The following GNA12 variants were observed in gnomAD, a reference collection of about 807,000 sequenced individuals.
The protein encoded by GNA12 is guanine nucleotide-binding protein subunit alpha-12.
A neutral mutation model predicts 26.0 loss-of-function variants in GNA12; 9 were observed. The observed-to-expected ratio is 0.35, with a 90% CI of 0.21 to 0.60. The LOEUF (loss-of-function observed/expected upper bound fraction) is 0.60, where lower values mean the gene tolerates loss of function less well. GNA12 is among the 20% of genes least tolerant of loss of function. The pLI is 0.78. For missense variants in GNA12, 405 were observed against 525.8 expected, an observed-to-expected ratio of 0.77 and a Z score of 2.25; for synonymous variants, 264 against 219.6, an observed-to-expected ratio of 1.20 and a Z score of -1.79.
intron 2 of GNA12, among the ~76,000 whole-genome samples, chr7:2,767,313 A>T (rs1791832389): frequency 6.6e-6 from 1 of 152,182 alleles, no homozygotes; most frequent in Non-Finnish European, 1.5e-5. Flanking sequence ...ATCACTGCTA[A>T]ATCCAGTATC....
chr7:2,752,425 TAGAA>T (rs1791086700), intron 2 of GNA12, among the ~76,000 whole-genome samples: 1 of 152,108 alleles, frequency 6.6e-6, no homozygotes, highest in Non-Finnish European at 1.5e-5. Context: ...AATGCTAAGT[TAGAA>T]AGACTAACAG....
At chr7:2,760,868 T>C (rs960167515) in intron 2 of GNA12, among the ~76,000 whole-genome samples, 1 of 152,174 alleles carries the variant, frequency 6.6e-6, no homozygotes, top group African/African-American at 2.4e-5. Flanking sequence ...GGAACAGAAG[T>C]TGTCACATCC....
chr7:2,819,040 G>T (rs758230930), intron 1 of GNA12, among the ~76,000 whole-genome samples: 1 of 152,140 alleles, frequency 6.6e-6, no homozygotes, highest in South Asian at 2.1e-4. Flanking sequence ...AAAATAGGGC[G>T]ATTATTCTGG....
intron 1 of GNA12, chr7:2,836,065 GATT>G: frequency 4.0e-6 from 1 of 250,054 alleles, no homozygotes; most frequent in Non-Finnish European, 8.5e-6. Context: ...TAATAAACTT[GATT>G]ATTGTTTAAG....
intron 1 of GNA12, among the ~76,000 whole-genome samples, chr7:2,826,855 C>A (rs543551782): frequency 6.6e-6 from 1 of 152,226 alleles, no homozygotes; most frequent in South Asian, 2.1e-4. Context: ...TTGAATGATG[C>A]CATAACGGTG....
At chr7:2,793,122 A>C (rs563653398) in intron 2 of GNA12, among the ~76,000 whole-genome samples, 16 of 152,160 alleles carry the variant, frequency 1.1e-4, no homozygotes, top group Non-Finnish European at 1.9e-4. Context: ...AGACAAACCC[A>C]AACAGGAAGA....
chr7:2,810,550 A>T (rs1007999340), intron 1 of GNA12, among the ~76,000 whole-genome samples: 1 of 150,442 alleles, frequency 6.6e-6, no homozygotes, highest in Non-Finnish European at 1.5e-5. Context: ...TTTGTCAATA[A>T]TTTTTTTTTT....
chr7:2,754,785 T>C (rs1293524577), intron 2 of GNA12, among the ~76,000 whole-genome samples: 2 of 152,094 alleles, frequency 1.3e-5, no homozygotes, highest in Non-Finnish European at 2.9e-5. Context: ...ATTTCAAATT[T>C]TGATGAAACA....
At chr7:2,797,927 A>C (rs528758661) in intron 1 of GNA12, among the ~76,000 whole-genome samples, 14 of 152,360 alleles carry the variant, frequency 9.2e-5, no homozygotes, top group African/African-American at 3.1e-4. Context: ...GTATGGATAA[A>C]AAAAATACTT....
chr7:2,775,327 G>C (rs569487551), intron 2 of GNA12: 20 of 152,334 alleles, frequency 1.3e-4, no homozygotes, highest in Non-Finnish European at 2.2e-4. Flanking sequence ...TAAGTTGATG[G>C]GAAGGAGACA....
chr7:2,734,479 C>T (rs991860301), intron 2 of GNA12, among the ~76,000 whole-genome samples: 3 of 152,220 alleles, frequency 2.0e-5, no homozygotes, highest in African/African-American at 2.4e-5. Context: ...CAAGGTCATA[C>T]ACATGTGGCG....
chr7:2,832,329 T>G (rs997758685), intron 1 of GNA12, among the ~76,000 whole-genome samples: 2 of 152,136 alleles, frequency 1.3e-5, no homozygotes, highest in African/African-American at 4.8e-5. Context: ...CTCACTACCA[T>G]ACACACAGCA....
At chr7:2,761,339 G>T (rs1483268444) in intron 2 of GNA12, among the ~76,000 whole-genome samples, 2 of 152,228 alleles carry the variant, frequency 1.3e-5, no homozygotes, top group Admixed American at 1.3e-4. Context: ...ATGCCTAGAG[G>T]CACGGGGTGG....
At chr7:2,818,728 A>G (rs1327895539) in intron 1 of GNA12, among the ~76,000 whole-genome samples, 1 of 145,614 alleles carries the variant, frequency 6.9e-6, no homozygotes, top group Non-Finnish European at 1.5e-5. Flanking sequence ...GCGCCACTAC[A>G]CTCCAGCGTG....
At chr7:2,735,199 G>T (rs1444376350) in intron 2 of GNA12, among the ~76,000 whole-genome samples, 3 of 152,168 alleles carry the variant, frequency 2.0e-5, no homozygotes, top group Non-Finnish European at 4.4e-5. Context: ...GCCTCGGGAG[G>T]TGCCACGCAA....
rs1394096411 is a variant in GNA12 at position 2,729,070 on chromosome 7, G to T, written c.*2111C>A. On this transcript the variant is annotated 3_prime_UTR_variant, in exon 4 of 4. Transcript: ENST00000275364. ...AAACAAGCACTCATTGACAAGGCCG[G>T]ACTACTCAGGAAGGTGTTTCAAACA... 6.6e-6 allele frequency: 1 copy of T among 152,394 alleles called. No homozygotes were observed. The highest frequency in any genetic ancestry group is 6.5e-5 in the Admixed American group (1 of 15,290). The allele number at this position is 152,394 out of a possible 1,614,324, so 9.4% of individuals were successfully genotyped here.
chr7:2,737,777 CTA>C (rs1790283491), intron 2 of GNA12, among the ~76,000 whole-genome samples: 1 of 152,216 alleles, frequency 6.6e-6, no homozygotes, highest in African/African-American at 2.4e-5. Flanking sequence ...TAACAGCAAA[CTA>C]TGCCAAAGGC....
chr7:2,810,943 G>C (rs1793067568), intron 1 of GNA12, among the ~76,000 whole-genome samples: 1 of 151,582 alleles, frequency 6.6e-6, no homozygotes, highest in African/African-American at 2.4e-5. Flanking sequence ...AAGATAATGA[G>C]ATAACATGTG....
intron 1 of GNA12, among the ~76,000 whole-genome samples, chr7:2,808,537 G>A (rs1793005511): frequency 6.6e-6 from 1 of 152,208 alleles, no homozygotes; most frequent in South Asian, 2.1e-4. Context: ...GGGCCGCACA[G>A]GAGGACCTCA....
Sources: gnomAD v4.1 joint callset for allele counts (sites outside exome capture counted in the v4.1 genomes callset) on GRCh38, gnomAD v4.1.1 for gene constraint, MANE v1.5 for transcripts, NCBI Gene and HGNC (gene_info 2026-07-23, HGNC 2026-07-21) for gene names.